The following SPINK7 variants were observed in gnomAD, a reference collection of about 807,000 sequenced individuals.
SPINK7 encodes serine peptidase inhibitor Kazal type 7.
SPINK7 carries 8 observed loss-of-function variants against 11.6 expected under a neutral mutation model. The ratio of observed to expected loss-of-function variants is 0.69; its 90% confidence interval spans 0.41 to 1.25. The LOEUF is 1.25. SPINK7 is among the 50% of genes most tolerant of loss of function. The pLI is 0.01. For synonymous variants in SPINK7, 38 were observed against 35.3 expected (o/e 1.08, Z -0.27); for missense variants, 113 against 99.3 (o/e 1.14, Z -0.58).
In SPINK7 at chr5:148,314,183, C is replaced by T. The variant is rs991396124; in HGVS notation, c.171C>T (p.Tyr57=). Residue 57 remains tyrosine, a synonymous_variant, in exon 3 of 4, where the codon TAC becomes TAT. Transcript: ENST00000274565. ...ITYLPVCGSD[Y]ITYGNECHLC... ...ACCTACCAGTTTGTGGTTCTGACTA[C>T]ATCACCTATGGGAATGAATGTCACT... is the stretch of plus-strand genomic sequence containing the variant. The T allele has an allele frequency of 3.1e-6, 5 of 1,613,698 alleles. No individual in the cohort carries two copies. In the African/African-American group the frequency reaches 6.7e-5, roughly 22 times the overall value.
At chr5:148,312,883 G>A (rs561290334) in intron 1 of SPINK7, among the ~76,000 whole-genome samples, 7 of 152,166 alleles carry the variant, frequency 4.6e-5, no homozygotes, top group African/African-American at 1.7e-4. Flanking sequence ...TCCCAAATCA[G>A]TTTGGGGGGA....
chr5:148,313,742 C>T (rs998170575), intron 2 of SPINK7: 1 of 426,480 alleles, frequency 2.3e-6, no homozygotes, highest in Non-Finnish European at 4.1e-6. Context: ...CTACTACTTA[C>T]CAGCATTTAT....
intron 1 of SPINK7, 51 bp from the exon 2 acceptor site, chr5:148,313,323 G>A (rs1170822661): frequency 7.0e-7 from 1 of 1,433,646 alleles, no homozygotes; most frequent in Non-Finnish European, 9.7e-7. Context: ...TAATTAATGA[G>A]ATTTAAAGTT....
rs772492677 is a variant in SPINK7, at chr5:148,314,206, AC to A, written c.195del (p.Leu66CysfsTer6). On this transcript the variant is annotated frameshift_variant, in exon 3 of 4. Transcript: ENST00000274565. LOFTEE classifies it high-confidence loss of function. Reference protein sequence around the residue: ...SDYITYGNECHLCTESLKSNG... With the variant: ...SDYITYGNECXLCTESLKSNG... ...TACATCACCTATGGGAATGAATGTC[AC>A]TTGTGTACCGAGAGCTTGTGAGTAC... is the stretch of plus-strand genomic sequence containing the variant. The A allele has an allele frequency of 1.0e-4, 165 of 1,613,774 alleles. No individual in the cohort carries two copies. The highest frequency in any genetic ancestry group is 1.3e-4 in the Non-Finnish European group (159 of 1,179,736).
chr5:148,314,427 C>T (rs1756903974), intron 3 of SPINK7: 1 of 589,470 alleles, frequency 1.7e-6, no homozygotes, highest in African/African-American at 1.9e-5. Flanking sequence ...GGACTAGTCC[C>T]ATCCCATCAC....
intron 2 of SPINK7, 91 bp downstream of exon 2, chr5:148,313,490 C>T (rs1042890613): frequency 8.9e-6 from 8 of 901,236 alleles, no homozygotes; most frequent in Admixed American, 2.3e-5. Flanking sequence ...TAGGGGGATT[C>T]GAGAGGGAGG....
intron 3 of SPINK7, among the ~76,000 whole-genome samples, chr5:148,314,865 T>G (rs1245057349): frequency 1.3e-5 from 2 of 152,158 alleles, no homozygotes; most frequent in Non-Finnish European, 2.9e-5. Flanking sequence ...AAATAAGGGA[T>G]GCAAGCTGTC....
Position 148,313,299 on chromosome 5 carries a change from G to C in SPINK7, c.62-75G>C, listed in dbSNP as rs1756884278. On this transcript the variant is annotated intron_variant, in intron 1 of 3. Coordinates refer to ENST00000274565, the MANE Select transcript of SPINK7 (RefSeq NM_032566.3). ...AAGGAAATGTAGAGTAATTATATAG[G>C]ATGAAACTTATATTAATTAATGAGA... 1.2e-5 allele frequency: 14 copies of C among 1,150,238 alleles called. No homozygotes were observed. In the South Asian group the frequency reaches 2.0e-4, roughly 16 times the overall value. 71.3% of individuals were successfully genotyped at this position (1,150,238 alleles called of 1,614,324 possible).
At chr5:148,313,853 A>G in intron 2 of SPINK7, 1 of 522,598 alleles carries the variant, frequency 1.9e-6, no homozygotes, top group Non-Finnish European at 3.4e-6. Context: ...AAACAAGAAA[A>G]TTCATGCAAG....
At chr5:148,315,066 C>T (rs1055911697) in intron 3 of SPINK7, among the ~76,000 whole-genome samples, 7 of 152,252 alleles carry the variant, frequency 4.6e-5, no homozygotes, top group Admixed American at 2.0e-4. Flanking sequence ...ATTTTGGACA[C>T]TTAGATCTTG....
At position 148,315,776 on chromosome 5, in the gene SPINK7, T is replaced by C; in HGVS notation, c.*92T>C. ...ACTGAGTTTCTTTCAGTTTTACTGA[T>C]GTTCTGGGTGGGGGACAGAGCCAGA... On this transcript the variant is annotated 3_prime_UTR_variant, in exon 4 of 4. Coordinates refer to ENST00000274565, the MANE Select transcript of SPINK7 (RefSeq NM_032566.3). 4.9e-6 allele frequency: 4 copies of C among 809,078 alleles called. No individual in the cohort carries two copies. The South Asian group carries it at 6.2e-5, about 13-fold the overall frequency. The allele number at this position is 809,078 out of a possible 1,614,324, so 50.1% of individuals were successfully genotyped here.
chr5:148,313,991 G>C (rs569038911), intron 2 of SPINK7, 109 bp from the exon 3 acceptor site: 6 of 1,415,482 alleles, frequency 4.2e-6, no homozygotes, highest in Non-Finnish European at 5.9e-6. Context: ...AAGTGGCCAA[G>C]CAACATCTGA....
At chr5:148,315,431 G>C (rs138120210) in intron 3 of SPINK7, among the ~76,000 whole-genome samples, 19 of 152,256 alleles carry the variant, frequency 1.2e-4, no homozygotes, top group Non-Finnish European at 1.8e-4. Flanking sequence ...GGAGGCAGCA[G>C]AGGGGTGGAA....
chr5:148,313,890 A>G, intron 2 of SPINK7: 1 of 590,086 alleles, frequency 1.7e-6, no homozygotes, highest in Non-Finnish European at 2.9e-6. Context: ...TAGCCCAGAA[A>G]TGCCCAGCAA....
chr5:148,313,312 T>C (rs1374233440), intron 1 of SPINK7, 62 bp from the exon 2 acceptor site: 55 of 1,286,598 alleles, frequency 4.3e-5, no homozygotes, highest in Non-Finnish European at 5.5e-5. Flanking sequence ...GAAACTTATA[T>C]TAATTAATGA....
At chr5:148,313,316 T>G in intron 1 of SPINK7, 58 bp from the exon 2 acceptor site, 1 of 1,339,792 alleles carries the variant, frequency 7.5e-7, no homozygotes, top group Non-Finnish European at 1.1e-6. Flanking sequence ...CTTATATTAA[T>G]TAATGAGATT....
At chr5:148,313,451 G>T in intron 2 of SPINK7, 52 bp downstream of exon 2, 1 of 1,350,540 alleles carries the variant, frequency 7.4e-7, no homozygotes, top group Non-Finnish European at 1.1e-6. Context: ...CTGTCATTTA[G>T]TCAACATATA....
chr5:148,313,100 A>G (rs534094158), intron 1 of SPINK7, among the ~76,000 whole-genome samples: 1 of 152,024 alleles, frequency 6.6e-6, no homozygotes, highest in Admixed American at 6.6e-5. Flanking sequence ...GACTTTGGCC[A>G]TTATCAAAAA....
chr5:148,312,570 A>C, intron 1 of SPINK7, 26 bp downstream of exon 1: 10 of 1,378,128 alleles, frequency 7.3e-6, no homozygotes, highest in Non-Finnish European at 1.0e-5. Flanking sequence ...ACAGTGCCCT[A>C]TATAGCCATT....
Sources: allele counts gnomAD v4.1 joint callset (sites outside exome capture counted in the v4.1 genomes callset), GRCh38; gene constraint gnomAD v4.1.1; transcripts MANE v1.5; gene names NCBI Gene and HGNC (gene_info 2026-07-23, HGNC 2026-07-21).